ABCC2: variants seen among roughly 807,000 people sequenced by gnomAD.
The protein encoded by ABCC2 is ATP binding cassette subfamily C member 2.
In ABCC2, 157 loss-of-function variants were observed where a neutral mutation model predicts 173.4. That is an observed-to-expected ratio of 0.91 (90% CI 0.80 to 1.03). The LOEUF (loss-of-function observed/expected upper bound fraction) is 1.03. ABCC2 is among the 50% of genes least tolerant of loss of function. The pLI, the probability that ABCC2 is intolerant of heterozygous loss-of-function variation, is 0.00. For synonymous variants in ABCC2, 657 were observed against 693.5 expected (o/e 0.95, Z 0.83); for missense variants, 1,822 against 1,852.3 (o/e 0.98, Z 0.30).
chr10:99,788,083 A>G (rs1459611179), intron 2 of ABCC2, among the ~76,000 whole-genome samples: 2 of 152,014 alleles, frequency 1.3e-5, no homozygotes, highest in Non-Finnish European at 2.9e-5. Flanking sequence ...AAAAAGAAAA[A>G]AAAGGACAAA....
intron 19 of ABCC2, among the ~76,000 whole-genome samples, chr10:99,826,907 A>C (rs111665679): frequency 0.028 from 4,288 of 150,630 alleles, 2 homozygotes; most frequent in Non-Finnish European, 0.045. Flanking sequence ...ATCTGGCCTC[A>C]ACTGTGAGAG....
chr10:99,820,940 T>C (rs2038525400), intron 19 of ABCC2, among the ~76,000 whole-genome samples: 1 of 152,108 alleles, frequency 6.6e-6, no homozygotes, highest in Admixed American at 6.5e-5. Context: ...AACCAGCGTT[T>C]AGCATATGGA....
At chr10:99,830,286 A>C (rs768665679) in intron 19 of ABCC2, 21 bp from the exon 20 acceptor site, 5 of 1,613,990 alleles carry the variant, frequency 3.1e-6, no homozygotes, top group Middle Eastern at 3.3e-4. Context: ...TCTTTCCCTA[A>C]CCTCTACTGT....
rs377186437 is a variant in ABCC2, at chr10:99,851,889, C to T, written c.*258C>T. 4.1e-5 allele frequency: 15 copies of T among 365,714 alleles called. No homozygotes were observed. Among genetic ancestry groups the T allele is most frequent in the South Asian group, 8.6e-5 (2 of 23,242 alleles). 22.7% of individuals were successfully genotyped at this position (365,714 alleles called of 1,614,324 possible). On this transcript the variant is annotated 3_prime_UTR_variant, in exon 32 of 32. Transcript: ENST00000647814. ...GGGACAACCACTGTCCTGAATTTCA[C>T]GATAATTATTCCTTTGCCTTTCATT...
intron 12 of ABCC2, 51 bp downstream of exon 12, chr10:99,807,572 G>A (rs772437748): frequency 4.3e-6 from 7 of 1,612,104 alleles, no homozygotes; most frequent in Non-Finnish European, 5.9e-6. Flanking sequence ...ACCTGCATCA[G>A]CTTCCTGAAG....
intron 1 of ABCC2, 117 bp from the exon 2 acceptor site, chr10:99,784,491 G>A (rs2037671203): frequency 2.8e-6 from 3 of 1,089,274 alleles, no homozygotes; most frequent in Admixed American, 3.4e-5. Flanking sequence ...AAAGGGTAAG[G>A]CTGGATATGG....
intron 13 of ABCC2, among the ~76,000 whole-genome samples, chr10:99,809,343 A>T (rs1257281094): frequency 6.6e-6 from 1 of 152,060 alleles, no homozygotes; most frequent in Non-Finnish European, 1.5e-5. Context: ...ACAGAGTGAG[A>T]CTCCATCTCA....
Position 99,852,337 on chromosome 10 carries a change from T to G in ABCC2, c.*706T>G, listed in dbSNP as rs2039097083. 6.6e-6 allele frequency: 1 copy of G among 152,276 alleles called. No individual in the cohort carries two copies. The highest frequency in any genetic ancestry group is 2.1e-4 in the South Asian group (1 of 4,832). 9.4% of individuals were successfully genotyped at this position (152,276 alleles called of 1,614,324 possible). A position where few individuals can be genotyped will look rare whatever the true frequency, so the allele number is the denominator to read the frequency against. ...ACTGAAAACATTGCTGTCAATCTGA[T>G]GAATATGAATTGATGTATCAATGAG... On this transcript the variant is annotated 3_prime_UTR_variant, in exon 32 of 32. Coordinates refer to ENST00000647814, the MANE Select transcript of ABCC2 (RefSeq NM_000392.5).
intron 13 of ABCC2, among the ~76,000 whole-genome samples, chr10:99,809,708 G>A (rs1016734968): frequency 2.6e-5 from 4 of 152,248 alleles, no homozygotes; most frequent in Non-Finnish European, 4.4e-5. Flanking sequence ...GTGGAAGTGT[G>A]CAGGGTCCCC....
chr10:99,827,161 G>C (rs1231944987), intron 19 of ABCC2, among the ~76,000 whole-genome samples: 4 of 152,258 alleles, frequency 2.6e-5, no homozygotes, highest in Non-Finnish European at 5.9e-5. Flanking sequence ...GGCCGATACT[G>C]AAGTTCGGCT....
chr10:99,783,105 G>T (rs1438289510), intron 1 of ABCC2, among the ~76,000 whole-genome samples: 1 of 152,288 alleles, frequency 6.6e-6, no homozygotes, highest in East Asian at 1.9e-4. Context: ...TCAGACTCTT[G>T]TACTAGCTAG....
intron 27 of ABCC2, 105 bp downstream of exon 27, chr10:99,844,005 G>A (rs1186244147): frequency 2.6e-5 from 26 of 1,009,562 alleles, no homozygotes; most frequent in Non-Finnish European, 3.9e-5. Flanking sequence ...GCCCATAATG[G>A]GTCCCTAAAG....
chr10:99,820,709 G>T (rs1377118115), intron 19 of ABCC2, among the ~76,000 whole-genome samples: 28 of 152,226 alleles, frequency 1.8e-4, no homozygotes, highest in Admixed American at 1.8e-3. Flanking sequence ...GGCCAGGAGA[G>T]TGGGGCAGGA....
rs564087735 is a variant in ABCC2, at chr10:99,841,940, G to A, written c.3615-27G>A. ...AAGATGAGGACGTGATCAGTGACAC[G>A]CACTCTCTGGTTCTGTTGCCCCACA... On this transcript the variant is annotated intron_variant, in intron 25 of 31. Coordinates refer to ENST00000647814, the MANE Select transcript of ABCC2 (RefSeq NM_000392.5). The A allele has an allele frequency of 1.9e-5, 31 of 1,613,978 alleles. No individual in the cohort carries two copies. In the African/African-American group the frequency reaches 2.8e-4, roughly 15 times the overall value.
At chr10:99,795,770 A>T (rs574726593) in intron 6 of ABCC2, among the ~76,000 whole-genome samples, 1 of 146,432 alleles carries the variant, frequency 6.8e-6, no homozygotes, top group Non-Finnish European at 1.5e-5. Context: ...AAAGAAAGAA[A>T]GAAAGAAAGA....
chr10:99,802,293 A>T (rs2133010342), intron 9 of ABCC2, among the ~76,000 whole-genome samples: 1 of 152,300 alleles, frequency 6.6e-6, no homozygotes, highest in East Asian at 1.9e-4. Flanking sequence ...CATTTTTTAC[A>T]TTCATTATCA....
In ABCC2 at chr10:99,782,774, A is replaced by T. The variant is rs2037637121; in HGVS notation, c.-71A>T. The T allele has an allele frequency of 6.5e-7, 1 of 1,535,096 alleles. No homozygotes were observed. Among genetic ancestry groups the T allele is most frequent in the African/African-American group, 1.4e-5 (1 of 73,584 alleles). ...AATTCCTGTTCCACTTTCTTTGATG[A>T]AACAAGTAAAGAAGAAACAACACAA... On this transcript the variant is annotated 5_prime_UTR_variant, in exon 1 of 32. The change creates a premature stop within an existing upstream ORF in the 5' untranslated region. Transcript: ENST00000647814.
In ABCC2 at chr10:99,850,671, T is replaced by G. The variant is rs772572036; in HGVS notation, c.4383T>G (p.Asp1461Glu). ...LLRKSKILVLDEATAAVDLET... is the reference protein window; with the variant it reads ...LLRKSKILVLEEATAAVDLET... ...GGAAATCCAAGATCCTGGTCCTGGA[T>G]GAGGCCACTGCTGCGGTGGATCTAG... Residue 1461 changes from aspartate to glutamate, a missense_variant, in exon 31 of 32, where the codon GAT (aspartate) becomes GAG (glutamate). Asp to Glu is a conservative substitution (Grantham distance 45). Transcript: ENST00000647814. 2 of 1,614,244 alleles carry G rather than the reference T, an allele frequency of 1.2e-6. No individual in the cohort carries two copies. The highest frequency in any genetic ancestry group is 1.7e-6 in the Non-Finnish European group (2 of 1,180,042).
chr10:99,782,849 T>C lies in ABCC2; in HGVS notation c.5T>C (p.Leu2Pro). 6.2e-7 allele frequency: 1 copy of C among 1,614,154 alleles called. No individual in the cohort carries two copies. The highest frequency in any genetic ancestry group is 8.5e-7 in the Non-Finnish European group (1 of 1,180,008). M[L>P]EKFCNSTFWN... Reference sequence around the variant, plus strand: ...TCCAGACGCAGTCCAGGAATCATGCTGGAGAAGTTCTGCAACTCTACTTTT... The same window carrying C: ...TCCAGACGCAGTCCAGGAATCATGCCGGAGAAGTTCTGCAACTCTACTTTT... Residue 2 changes from leucine to proline, a missense_variant, in exon 1 of 32, where the codon CTG (leucine) becomes CCG (proline). Transcript: ENST00000647814.
Sources: gnomAD v4.1 joint callset for allele counts (sites outside exome capture counted in the v4.1 genomes callset) on GRCh38, gnomAD v4.1.1 for gene constraint, MANE v1.5 for transcripts, NCBI Gene and HGNC (gene_info 2026-07-23, HGNC 2026-07-21) for gene names.